NFATC3: variants seen among roughly 807,000 people sequenced by gnomAD.
NFATC3 encodes the protein nuclear factor of activated T cells 3, also known as nuclear factor of activated T-cells, cytoplasmic 3.
NFATC3 carries 46 observed loss-of-function variants against 98.6 expected under a neutral mutation model. The observed-to-expected ratio is 0.47, with a 90% CI of 0.37 to 0.60. The LOEUF is 0.60. Ranked by LOEUF, NFATC3 falls within the 20% of genes least tolerant of loss-of-function variation. The probability of loss-of-function intolerance (pLI) is 0.00; values close to 1 mark genes in which losing one functional copy is unlikely to be tolerated. For synonymous variants in NFATC3, 512 were observed against 472.2 expected (o/e 1.08, Z -1.09); for missense variants, 1,256 against 1,295.5 (o/e 0.97, Z 0.47).
chr16:68,155,245 A>G (rs1412932189), intron 3 of NFATC3, among the ~76,000 whole-genome samples: 1 of 152,220 alleles, frequency 6.6e-6, no homozygotes, highest in Non-Finnish European at 1.5e-5. Flanking sequence ...GGAGGCTACT[A>G]TACCAAGGAA....
intron 2 of NFATC3, 57 bp downstream of exon 2, chr16:68,123,178 A>T (rs2036638756): frequency 1.3e-6 from 2 of 1,504,384 alleles, no homozygotes; most frequent in Non-Finnish European, 8.9e-7. Flanking sequence ...CATTGGTGGC[A>T]TATAACTACA....
At chr16:68,137,494 A>G (rs112856473) in intron 3 of NFATC3, among the ~76,000 whole-genome samples, 12 of 152,220 alleles carry the variant, frequency 7.9e-5, no homozygotes, top group African/African-American at 2.2e-4. Flanking sequence ...GAGGTTATGT[A>G]TGTTGTAATT....
chr16:68,122,687 A>G lies in NFATC3; in HGVS notation c.804A>G (p.Thr268=), dbSNP rs1303053926. The change falls in exon 2 of 10, where the codon ACA becomes ACG. Residue 268 remains threonine, a synonymous_variant. Coordinates refer to ENST00000346183, the MANE Select transcript of NFATC3 (RefSeq NM_173165.3). ...RPASGPSSRP[T]SPCGKRRHSS... ...CCTCAGGACCCTCATCAAGGCCCAC[A>G]TCCCCCTGTGGGAAACGGAGGCACT... 1.5e-5 allele frequency: 25 copies of G among 1,614,034 alleles called. No individual in the cohort carries two copies. The highest frequency in any genetic ancestry group is 1.7e-5 in the Non-Finnish European group (20 of 1,180,022).
chr16:68,205,938 C>T (rs1280985524), intron 9 of NFATC3, among the ~76,000 whole-genome samples: 1 of 151,314 alleles, frequency 6.6e-6, no homozygotes, highest in African/African-American at 2.4e-5. Flanking sequence ...CGCTCTACTG[C>T]CCAGGCTGGA....
intron 3 of NFATC3, among the ~76,000 whole-genome samples, chr16:68,131,843 T>TTC (rs1350536133): frequency 2.0e-5 from 3 of 151,844 alleles, no homozygotes; most frequent in East Asian, 1.9e-4. Flanking sequence ...ACTGATGCCT[T>TTC]TCTCTCTCTC....
intron 9 of NFATC3, 111 bp downstream of exon 9, chr16:68,191,886 T>C (rs1021334265): frequency 1.7e-6 from 2 of 1,146,782 alleles, no homozygotes; most frequent in Non-Finnish European, 2.5e-6. Flanking sequence ...GGTTGGGCTT[T>C]TAAATAAGTT....
chr16:68,158,668 C>T, intron 4 of NFATC3, among the ~76,000 whole-genome samples: 1 of 152,066 alleles, frequency 6.6e-6, no homozygotes, highest in East Asian at 1.9e-4. Context: ...CAAGTTTTTT[C>T]TTCTTTGCCG....
In NFATC3 at chr16:68,191,264, CTT is replaced by C. The variant is rs776311958; in HGVS notation, c.2596_2597del (p.Leu866SerfsTer34). ...CAAATTCAGGCTCAACAGGACATCT[CTT>C]AGCCCATACACCTCATTCTGTGCAT... Reference protein sequence around the residue: ...SSNSGSTGHLLAHTPHSVHTL... With the variant: ...SSNSGSTGHLXAHTPHSVHTL... On this transcript the variant is annotated frameshift_variant, in exon 9 of 10. Transcript: ENST00000346183. LOFTEE classifies it high-confidence loss of function. 6.2e-7 allele frequency: 1 copy of C among 1,614,214 alleles called. No individual in the cohort carries two copies. The highest frequency in any genetic ancestry group is 8.5e-7 in the Non-Finnish European group (1 of 1,180,036).
intron 9 of NFATC3, chr16:68,209,805 C>A: frequency 2.5e-6 from 1 of 395,906 alleles, no homozygotes; most frequent in Non-Finnish European, 4.9e-6. Context: ...AAGAAATGAA[C>A]GAATAAAACT....
chr16:68,203,294 ATG>A (rs1196206341), intron 9 of NFATC3, among the ~76,000 whole-genome samples: 1 of 152,262 alleles, frequency 6.6e-6, no homozygotes, highest in African/African-American at 2.4e-5. Flanking sequence ...TTTTAAATGA[ATG>A]TATTATTTCT....
intron 3 of NFATC3, among the ~76,000 whole-genome samples, chr16:68,153,705 C>G (rs941263402): frequency 2.6e-5 from 4 of 152,144 alleles, no homozygotes; most frequent in Admixed American, 6.5e-5. Context: ...GCTCCACCTC[C>G]TGGGTTCACT....
At chr16:68,134,705 G>T (rs187972286) in intron 3 of NFATC3, among the ~76,000 whole-genome samples, 21 of 152,146 alleles carry the variant, frequency 1.4e-4, no homozygotes, top group Admixed American at 3.3e-4. Flanking sequence ...TTGTTTTGGG[G>T]TTTTTTTGGG....
Position 68,158,339 on chromosome 16 carries a change from C to T in NFATC3, c.1601+271C>T, listed in dbSNP as rs562864229. On this transcript the variant is annotated intron_variant, in intron 4 of 9. Coordinates refer to ENST00000346183, the MANE Select transcript of NFATC3 (RefSeq NM_173165.3). ...GTATCTGGACTTTCATCAAATGGCT[C>T]ACAGTCTATCTAATAGGGTAGACAA... is the stretch of plus-strand genomic sequence containing the variant. Among the ~76,000 whole-genome samples, 138 of 152,194 alleles carry T rather than the reference C, an allele frequency of 9.1e-4. No individual in the cohort carries two copies. In the Middle Eastern group the frequency reaches 0.01, roughly 11 times the overall value.
At chr16:68,137,630 T>C (rs1277834916) in intron 3 of NFATC3, among the ~76,000 whole-genome samples, 3 of 151,560 alleles carry the variant, frequency 2.0e-5, no homozygotes, top group Non-Finnish European at 4.4e-5. Context: ...TTTTTTTTTT[T>C]TTTGAAACAG....
At chr16:68,090,386 A>G (rs2034648740) in intron 1 of NFATC3, among the ~76,000 whole-genome samples, 1 of 146,010 alleles carries the variant, frequency 6.8e-6, no homozygotes, top group Non-Finnish European at 1.5e-5. Context: ...TCTCTTTGCT[A>G]GACCCTTCTC....
intron 9 of NFATC3, among the ~76,000 whole-genome samples, chr16:68,221,904 T>C (rs2041877365): frequency 1.3e-5 from 2 of 152,156 alleles, no homozygotes; most frequent in Admixed American, 1.3e-4. Flanking sequence ...TTCATCCTTA[T>C]ATAAGTGTAC....
chr16:68,106,461 T>G (rs2035660425), intron 1 of NFATC3, among the ~76,000 whole-genome samples: 1 of 151,888 alleles, frequency 6.6e-6, no homozygotes, highest in Non-Finnish European at 1.5e-5. Flanking sequence ...CTGGCTAATT[T>G]TTGTATGTTT....
intron 9 of NFATC3, among the ~76,000 whole-genome samples, chr16:68,223,863 C>G (rs1279110918): frequency 6.9e-6 from 1 of 144,790 alleles, no homozygotes; most frequent in Non-Finnish European, 1.5e-5. Flanking sequence ...CCGCTGCACT[C>G]TAGCCTCGGT....
intron 1 of NFATC3, among the ~76,000 whole-genome samples, chr16:68,116,785 T>C (rs747009416): frequency 5.9e-5 from 9 of 152,074 alleles, no homozygotes; most frequent in Non-Finnish European, 1.2e-4. Context: ...TGTAAAATCT[T>C]CTATGGGTGA....
Sources: gnomAD v4.1 joint callset for allele counts (sites outside exome capture counted in the v4.1 genomes callset) on GRCh38, gnomAD v4.1.1 for gene constraint, MANE v1.5 for transcripts, NCBI Gene and HGNC (gene_info 2026-07-23, HGNC 2026-07-21) for gene names.